AMOTL2: variants seen among roughly 807,000 people sequenced by gnomAD.
AMOTL2 encodes the protein angiomotin like 2.
AMOTL2 carries 33 observed loss-of-function variants against 78.4 expected under a neutral mutation model. The observed-to-expected ratio is 0.42, with a 90% CI of 0.32 to 0.56. The LOEUF (loss-of-function observed/expected upper bound fraction) is 0.56. Ranked by LOEUF, AMOTL2 falls within the 20% of genes least tolerant of loss-of-function variation. The pLI is 0.12. For missense variants in AMOTL2, 983 were observed against 1,030.1 expected (o/e 0.95, Z 0.63); for synonymous variants, 422 against 428.8 (o/e 0.98, Z 0.20).
In AMOTL2 at chr3:134,373,713, C is replaced by T. The variant is rs114454837; in HGVS notation, c.-62+629G>A. 1,602 of 985,422 alleles carry T rather than the reference C, an allele frequency of 1.6e-3. 19 individuals carry two copies. In the African/African-American group the frequency reaches 0.026, roughly 16 times the overall value. 61.0% of individuals were successfully genotyped at this position (985,422 alleles called of 1,614,324 possible). A position where few individuals can be genotyped will look rare whatever the true frequency, so the allele number is the denominator to read the frequency against. ...GGAGCACCGGTGGCCGCTGGTACGC[C>T]TGGGGCGAGCCGGTGAGGGTAGCCC... On this transcript the variant is annotated intron_variant, in intron 1 of 9. Coordinates refer to ENST00000249883, the MANE Select transcript of AMOTL2 (RefSeq NM_016201.4).
chr3:134,370,561 T>C lies in AMOTL2; in HGVS notation c.734+139A>G, dbSNP rs2017800964. 19 of 1,147,408 alleles carry C rather than the reference T, an allele frequency of 1.7e-5. No homozygotes were observed. In the Middle Eastern group the frequency reaches 9.2e-4, roughly 56 times the overall value. 71.1% of individuals were successfully genotyped at this position (1,147,408 alleles called of 1,614,324 possible). A position where few individuals can be genotyped will look rare whatever the true frequency, so the allele number is the denominator to read the frequency against. On this transcript the variant is annotated intron_variant, in intron 2 of 9. Transcript: ENST00000249883. Reference sequence around the variant, plus strand: ...CTAAGTCCCTCTTCTCTGCCAGGCATTAGCTCTCCCTTCTCAGGTTGGAGG... The same window carrying C: ...CTAAGTCCCTCTTCTCTGCCAGGCACTAGCTCTCCCTTCTCAGGTTGGAGG...
chr3:134,359,206 A>T, intron 8 of AMOTL2, 77 bp downstream of exon 8: 1 of 1,518,184 alleles, frequency 6.6e-7, no homozygotes, highest in South Asian at 1.2e-5. Flanking sequence ...CAGTTCTGGG[A>T]GGAAAGGTCT....
intron 5 of AMOTL2, among the ~76,000 whole-genome samples, chr3:134,362,159 G>C (rs993188926): frequency 6.6e-6 from 1 of 152,158 alleles, no homozygotes; most frequent in Non-Finnish European, 1.5e-5. Flanking sequence ...GTGACGGCTC[G>C]AGACTGTTGA....
intron 2 of AMOTL2, among the ~76,000 whole-genome samples, chr3:134,369,934 T>A (rs557927036): frequency 5.4e-4 from 82 of 152,364 alleles, no homozygotes; most frequent in Admixed American, 9.8e-4. Flanking sequence ...CGGGTCTTCC[T>A]GCTTCCATTC....
chr3:134,362,862 G>T (rs537486080), intron 5 of AMOTL2, among the ~76,000 whole-genome samples: 1 of 152,178 alleles, frequency 6.6e-6, no homozygotes, highest in African/African-American at 2.4e-5. Flanking sequence ...TGGAGAGCAG[G>T]TGGGGGGCAG....
intron 5 of AMOTL2, among the ~76,000 whole-genome samples, chr3:134,363,332 G>A (rs1011795262): frequency 5.3e-5 from 8 of 152,202 alleles, no homozygotes; most frequent in African/African-American, 1.7e-4. Context: ...ATATTGAAAC[G>A]GATGTGTTCA....
intron 5 of AMOTL2, among the ~76,000 whole-genome samples, chr3:134,364,542 C>A (rs1361310765): frequency 6.6e-6 from 1 of 152,130 alleles, no homozygotes; most frequent in African/African-American, 2.4e-5. Context: ...CCCTTTCTCC[C>A]TCCTTCCCTT....
At chr3:134,358,794 T>A (rs1407943645) in intron 8 of AMOTL2, 75 bp from the exon 9 acceptor site, 14 of 1,560,020 alleles carry the variant, frequency 9.0e-6, no homozygotes, top group Non-Finnish European at 1.2e-5. Flanking sequence ...AAGTTAACTG[T>A]CCCTGCTGGG....
chr3:134,357,787 C>T, intron 9 of AMOTL2, 24 bp from the exon 10 acceptor site: 1 of 1,611,290 alleles, frequency 6.2e-7, no homozygotes, highest in Non-Finnish European at 8.5e-7. Context: ...AGAACACAGG[C>T]ACATGCCAAT....
upstream of AMOTL2, chr3:134,375,076 G>T: frequency 6.8e-7 from 1 of 1,469,168 alleles, no homozygotes; most frequent in Non-Finnish European, 9.0e-7. Context: ...ACCCCCAGCG[G>T]CAACCTTTGA....
At chr3:134,370,641 TGA>T (rs2107747883) in intron 2 of AMOTL2, 57 bp downstream of exon 2, 6 of 1,490,758 alleles carry the variant, frequency 4.0e-6, no homozygotes, top group Non-Finnish European at 4.5e-6. Context: ...CTCTCCTCCC[TGA>T]GAGACCTGTG....
chr3:134,375,216 C>G, upstream of AMOTL2: 1 of 1,535,740 alleles, frequency 6.5e-7, no homozygotes. Flanking sequence ...GCCAGGCGCT[C>G]TGTCCAGTTC....
chr3:134,362,319 C>T (rs2017408381), intron 5 of AMOTL2, among the ~76,000 whole-genome samples: 3 of 152,322 alleles, frequency 2.0e-5, no homozygotes, highest in African/African-American at 4.8e-5. Flanking sequence ...TCTTATTCCA[C>T]GAATCCTCCA....
chr3:134,361,864 C>A, intron 5 of AMOTL2, 57 bp from the exon 6 acceptor site: 4 of 1,445,312 alleles, frequency 2.8e-6, no homozygotes, highest in Non-Finnish European at 3.7e-6. Context: ...GGCCCCATTG[C>A]CTCCTGGGCT....
At chr3:134,372,290 T>G (rs1198863632) in intron 1 of AMOTL2, among the ~76,000 whole-genome samples, 1 of 152,094 alleles carries the variant, frequency 6.6e-6, no homozygotes, top group African/African-American at 2.4e-5. Flanking sequence ...CTCCCTGTCA[T>G]GGGATGACCT....
Position 134,372,557 on chromosome 3 carries a change from A to AC in AMOTL2, c.-61-1064_-61-1063insG, listed in dbSNP as rs1553723522. ...CACACACACACACACACACACACAC[A>AC]AACACACACACACGCTACTTGGAAA... On this transcript the variant is annotated intron_variant, in intron 1 of 9. Transcript: ENST00000249883. 1.2e-3 allele frequency among the ~76,000 whole-genome samples: 177 copies of AC among 151,210 alleles called. 1 individual carries two copies. The highest frequency in any genetic ancestry group is 3.5e-3 in the African/African-American group (144 of 41,132).
Position 134,359,268 on chromosome 3 carries a change from G to A in AMOTL2, c.2104+15C>T. The A allele has an allele frequency of 1.2e-6, 2 of 1,613,220 alleles. No individual in the cohort carries two copies. Among genetic ancestry groups the A allele is most frequent in the Non-Finnish European group, 1.7e-6 (2 of 1,179,158 alleles). ...AATTACCTCTCAATCTATCCCAGCA[G>A]TAGCCTCCTCTTACCTGTAGTCAGC... On this transcript the variant is annotated intron_variant, in intron 8 of 9. Coordinates refer to ENST00000249883, the MANE Select transcript of AMOTL2 (RefSeq NM_016201.4).
intron 3 of AMOTL2, 21 bp from the exon 4 acceptor site, chr3:134,366,448 A>G (rs761701762): frequency 6.2e-7 from 1 of 1,605,988 alleles, no homozygotes; most frequent in Non-Finnish European, 8.5e-7. Context: ...CAGACAGCAG[A>G]GCTGAATGAA....
chr3:134,362,618 A>G (rs1301528616), intron 5 of AMOTL2, among the ~76,000 whole-genome samples: 1 of 152,224 alleles, frequency 6.6e-6, no homozygotes, highest in East Asian at 1.9e-4. Flanking sequence ...GTACAGTGAA[A>G]ATGACTATGG....
Sources: allele counts gnomAD v4.1 joint callset (sites outside exome capture counted in the v4.1 genomes callset), GRCh38; gene constraint gnomAD v4.1.1; transcripts MANE v1.5; gene names NCBI Gene and HGNC (gene_info 2026-07-23, HGNC 2026-07-21).